CFAP44: variants seen among roughly 807,000 people sequenced by gnomAD.
The protein encoded by CFAP44 is cilia and flagella associated protein 44.
A neutral mutation model predicts 216.2 loss-of-function variants in CFAP44; 134 were observed. That is an observed-to-expected ratio of 0.62 (90% CI 0.54 to 0.72). The LOEUF is 0.72. CFAP44 is among the 30% of genes least tolerant of loss of function. The probability of loss-of-function intolerance (pLI) is 0.00; values close to 1 mark genes in which losing one functional copy is unlikely to be tolerated. For synonymous variants in CFAP44, 700 were observed against 727.6 expected, an observed-to-expected ratio of 0.96 and a Z score of 0.61; for missense variants, 2,035 against 2,182.1, an observed-to-expected ratio of 0.93 and a Z score of 1.34.
intron 30 of CFAP44, among the ~76,000 whole-genome samples, chr3:113,305,763 C>A (rs952877405): frequency 6.6e-6 from 1 of 152,096 alleles, no homozygotes; most frequent in Non-Finnish European, 1.5e-5. Flanking sequence ...GATGCATGCA[C>A]CCCAGATGAT....
Position 113,366,028 on chromosome 3 carries a change from TAATTACATACCCTGGGAG to T in CFAP44, c.2708_2715+10del. 1 of 1,586,880 alleles carries T rather than the reference TAATTACATACCCTGGGAG, an allele frequency of 6.3e-7. No homozygotes were observed. Among genetic ancestry groups the T allele is most frequent in the Non-Finnish European group, 8.6e-7 (1 of 1,166,374 alleles). On this transcript the variant is annotated splice_donor_variant and splice_donor_5th_base_variant and coding_sequence_variant and intron_variant, in exon 19 of 35. Coordinates refer to ENST00000393845, the MANE Select transcript of CFAP44 (RefSeq NM_001164496.2). LOFTEE classifies it high-confidence loss of function. ...GTTTGTTATTAATTAACTGGTTAATTAATTACATACCCTGGGAGATGGAACTTTGGCCTTCATGTCTTT... is the reference window on the plus strand; with the variant it reads ...GTTTGTTATTAATTAACTGGTTAATTATGGAACTTTGGCCTTCATGTCTTT...
chr3:113,333,512 T>C lies in CFAP44; in HGVS notation c.3509A>G (p.Tyr1170Cys). The C allele has an allele frequency of 1.2e-5, 19 of 1,537,164 alleles. No individual in the cohort carries two copies. The highest frequency in any genetic ancestry group is 1.6e-5 in the Non-Finnish European group (18 of 1,146,880). Residue 1170 changes from tyrosine to cysteine, a missense_variant, in exon 25 of 35, where the codon TAT becomes TGT. Coordinates refer to ENST00000393845, the MANE Select transcript of CFAP44 (RefSeq NM_001164496.2). ...DLQAIKEAQV[Y>C]MGDFNLKTAP... ...TGTCTTCAGATTGAAATCTCCCATA[T>C]ACACCTGGGCTTCTTTGATGGCTTG...
At chr3:113,351,233 A>C (rs548684902) in intron 22 of CFAP44, among the ~76,000 whole-genome samples, 2 of 152,344 alleles carry the variant, frequency 1.3e-5, no homozygotes, top group Non-Finnish European at 2.9e-5. Context: ...CAAACTTACA[A>C]GGTTTTCAAC....
chr3:113,325,919 C>A (rs945378508), intron 28 of CFAP44, among the ~76,000 whole-genome samples: 5 of 152,096 alleles, frequency 3.3e-5, no homozygotes, highest in Admixed American at 1.3e-4. Flanking sequence ...CCCAAATGAT[C>A]TTGACAAAGA....
At chr3:113,393,185 G>A (rs1342668343) in intron 15 of CFAP44, among the ~76,000 whole-genome samples, 1 of 152,210 alleles carries the variant, frequency 6.6e-6, no homozygotes, top group African/African-American at 2.4e-5. Flanking sequence ...AAAGTCTGTA[G>A]CAGGTCAGTT....
chr3:113,441,168 G>T (rs1375080170), intron 1 of CFAP44, among the ~76,000 whole-genome samples: 1 of 152,174 alleles, frequency 6.6e-6, no homozygotes, highest in African/African-American at 2.4e-5. Flanking sequence ...CAGCTGACTC[G>T]CTGCTGCTCT....
At chr3:113,433,456 A>AAAAAAAAAAAAAAAAC (rs56736652) in intron 2 of CFAP44, 109 bp downstream of exon 2, 1 of 329,642 alleles carries the variant, frequency 3.0e-6, no homozygotes, top group East Asian at 6.7e-5. Flanking sequence ...AAAAAAAAAA[A>AAAAAAAAAAAAAAAAC]GATCTATTTT....
At chr3:113,357,241 C>G (rs1018690304) in intron 22 of CFAP44, among the ~76,000 whole-genome samples, 1 of 152,078 alleles carries the variant, frequency 6.6e-6, no homozygotes, top group Non-Finnish European at 1.5e-5. Flanking sequence ...TGTGTCCCCC[C>G]AAAAAGCTAT....
chr3:113,385,025 C>A (rs1933609179), intron 15 of CFAP44, among the ~76,000 whole-genome samples: 1 of 152,174 alleles, frequency 6.6e-6, no homozygotes, highest in African/African-American at 2.4e-5. Context: ...ATCATTGGGG[C>A]AGGTCTTTCC....
chr3:113,291,257 A>T lies in CFAP44; in HGVS notation c.*300T>A. ...CCAAATCAAATTTTCCTAAAACAAA[A>T]TATATTACAGGTGATTTGCTGCAAT... On this transcript the variant is annotated 3_prime_UTR_variant, in exon 35 of 35. Coordinates refer to ENST00000393845, the MANE Select transcript of CFAP44 (RefSeq NM_001164496.2). The T allele has an allele frequency of 4.3e-6, 1 of 229,994 alleles. No homozygotes were observed. Among genetic ancestry groups the T allele is most frequent in the Non-Finnish European group, 8.5e-6 (1 of 117,384 alleles). The allele number at this position is 229,994 out of a possible 1,614,324, so 14.2% of individuals were successfully genotyped here. A position where few individuals can be genotyped will look rare whatever the true frequency, so the allele number is the denominator to read the frequency against.
At chr3:113,345,228 A>G (rs773572661) in intron 22 of CFAP44, among the ~76,000 whole-genome samples, 12 of 151,178 alleles carry the variant, frequency 7.9e-5, no homozygotes, top group Non-Finnish European at 1.3e-4. Flanking sequence ...TGTAAATTAT[A>G]TAAACAAATA....
chr3:113,315,941 T>C (rs567351797), intron 28 of CFAP44, among the ~76,000 whole-genome samples: 46 of 152,358 alleles, frequency 3.0e-4, no homozygotes, highest in African/African-American at 1.0e-3. Flanking sequence ...ATATTTTCAA[T>C]TTAAGATAGG....
In CFAP44 at chr3:113,409,332, T is replaced by C. The variant is rs761634529; in HGVS notation, c.674-10A>G. On this transcript the variant is annotated splice_polypyrimidine_tract_variant and intron_variant, in intron 6 of 34. Coordinates refer to ENST00000393845, the MANE Select transcript of CFAP44 (RefSeq NM_001164496.2). Reference sequence around the variant, plus strand: ...CCCTTCTCAGTCCCATCTGGAAGGATAAATGGAAGCCTAATAAATAAGGAC... The same window carrying C: ...CCCTTCTCAGTCCCATCTGGAAGGACAAATGGAAGCCTAATAAATAAGGAC... The C allele has an allele frequency of 2.6e-5, 42 of 1,607,724 alleles. No individual in the cohort carries two copies. Among genetic ancestry groups the C allele is most frequent in the Non-Finnish European group, 1.6e-5 (19 of 1,175,056 alleles).
chr3:113,393,583 G>A (rs144890206), intron 15 of CFAP44, among the ~76,000 whole-genome samples: 8 of 152,178 alleles, frequency 5.3e-5, no homozygotes, highest in African/African-American at 1.4e-4. Flanking sequence ...TGGATGGAGC[G>A]CAGTGGCACG....
intron 33 of CFAP44, 61 bp downstream of exon 33, chr3:113,296,664 C>G: frequency 6.6e-7 from 1 of 1,514,478 alleles, no homozygotes; most frequent in Non-Finnish European, 8.8e-7. Flanking sequence ...ACTTCCTGCT[C>G]CCTGGGATTT....
intron 30 of CFAP44, among the ~76,000 whole-genome samples, chr3:113,305,942 G>T (rs143464254): frequency 1.3e-5 from 2 of 152,056 alleles, no homozygotes; most frequent in Non-Finnish European, 2.9e-5. Flanking sequence ...ATTGTATGGG[G>T]AGGGGCTCCA....
At position 113,327,500 on chromosome 3, in the gene CFAP44, G is replaced by A. The variant is rs985339025; in HGVS notation, c.4320+116C>T. The A allele has an allele frequency of 1.1e-4, 96 of 886,820 alleles. 1 individual carries two copies. The highest frequency in any genetic ancestry group is 1.0e-4 in the Non-Finnish European group (63 of 606,346). 54.9% of individuals were successfully genotyped at this position (886,820 alleles called of 1,614,324 possible). A position where few individuals can be genotyped will look rare whatever the true frequency, so the allele number is the denominator to read the frequency against. On this transcript the variant is annotated intron_variant, in intron 27 of 34. Transcript: ENST00000393845. Reference sequence around the variant, plus strand: ...AGGAAAAAGGAGGAGGGGGAAAGAAGACAAGAAAGAGATAAGGGCTAGAAC... The same window carrying A: ...AGGAAAAAGGAGGAGGGGGAAAGAAAACAAGAAAGAGATAAGGGCTAGAAC...
At chr3:113,409,828 G>T (rs920442535) in intron 6 of CFAP44, among the ~76,000 whole-genome samples, 1 of 152,206 alleles carries the variant, frequency 6.6e-6, no homozygotes, top group African/African-American at 2.4e-5. Context: ...GGTGATGAAA[G>T]CGACCTCTGG....
In CFAP44 at chr3:113,290,374, A is replaced by G. The variant is rs1464412800; in HGVS notation, c.*1183T>C. 6.6e-6 allele frequency: 1 copy of G among 152,220 alleles called. No individual in the cohort carries two copies. Among genetic ancestry groups the G allele is most frequent in the African/African-American group, 2.4e-5 (1 of 41,460 alleles). 9.4% of individuals were successfully genotyped at this position (152,220 alleles called of 1,614,324 possible). On this transcript the variant is annotated 3_prime_UTR_variant, in exon 35 of 35. Transcript: ENST00000393845. Reference sequence around the variant, plus strand: ...ACAAAGAAAGCAAGACCTGTCTGTAATTTTGGGGGGCACATTAGCAGGCTA... The same window carrying G: ...ACAAAGAAAGCAAGACCTGTCTGTAGTTTTGGGGGGCACATTAGCAGGCTA...
Sources: allele counts gnomAD v4.1 joint callset (sites outside exome capture counted in the v4.1 genomes callset), GRCh38; gene constraint gnomAD v4.1.1; transcripts MANE v1.5; gene names NCBI Gene and HGNC (gene_info 2026-07-23, HGNC 2026-07-21).